The following NDUFB4 variants were observed in gnomAD, a reference collection of about 807,000 sequenced individuals.
NDUFB4 encodes NADH dehydrogenase [ubiquinone] 1 beta subcomplex subunit 4.
Under a neutral mutation model 14.5 loss-of-function variants are expected in NDUFB4, and 10 were observed. The ratio of observed to expected loss-of-function variants is 0.69; its 90% confidence interval spans 0.43 to 1.17. The LOEUF (loss-of-function observed/expected upper bound fraction) is 1.17. NDUFB4 is among the 50% of genes most tolerant of loss of function. The probability of loss-of-function intolerance (pLI) is 0.00; values close to 1 mark genes in which losing one functional copy is unlikely to be tolerated. For synonymous variants in NDUFB4, 65 were observed against 63.4 expected (o/e 1.03, Z -0.12); for missense variants, 165 against 161.1 (o/e 1.02, Z -0.13).
chr3:120,602,261 C>T lies in NDUFB4; in HGVS notation c.381C>T (p.Leu127=), dbSNP rs755359843. The T allele has an allele frequency of 1.3e-5, 21 of 1,609,662 alleles. No individual in the cohort carries two copies. The highest frequency in any genetic ancestry group is 2.2e-4 in the Middle Eastern group (1 of 4,456). ...QEGKLDRTFH[L]SY ...GAAAATTGGATCGAACATTTCACCT[C>T]TCATATTAAGTCTGGCAATGATGAC... is the stretch of plus-strand genomic sequence containing the variant. Residue 127 remains leucine (L), a synonymous_variant, in exon 3 of 3, where the codon CTC becomes CTT. Coordinates refer to ENST00000184266, the MANE Select transcript of NDUFB4 (RefSeq NM_004547.6).
Position 120,596,367 on chromosome 3 carries a change from T to A in NDUFB4, c.8T>A (p.Phe3Tyr), listed in dbSNP as rs1385125060. Residue 3 changes from phenylalanine (F) to tyrosine (Y), a missense_variant, in exon 1 of 3, where the codon TTC (phenylalanine) becomes TAC (tyrosine). Coordinates refer to ENST00000184266, the MANE Select transcript of NDUFB4 (RefSeq NM_004547.6). MS[F>Y]PKYKPSSLRT... ...GTGCCCTGGTTCGCCAAGATGTCGT[T>A]CCCAAAGTATAAGCCGTCGAGCCTG... is the stretch of plus-strand genomic sequence containing the variant. The A allele has an allele frequency of 6.2e-7, 1 of 1,614,024 alleles. No homozygotes were observed. The highest frequency in any genetic ancestry group is 8.5e-7 in the Non-Finnish European group (1 of 1,179,984).
rs1198763352 is a variant in NDUFB4, at chr3:120,596,455, G to T, written c.96G>T (p.Ala32=). Residue 32 remains alanine, a synonymous_variant, in exon 1 of 3, where the codon GCG becomes GCT. Coordinates refer to ENST00000184266, the MANE Select transcript of NDUFB4 (RefSeq NM_004547.6). ...ACATATCTCCGGAAACCCGGCGGGC[G>T]CAAGCCGAGCGGTTGGCCATAAGAG... is the stretch of plus-strand genomic sequence containing the variant. The part of the protein sequence containing the change: ...EYNISPETRR[A]QAERLAIRAQ... The T allele has an allele frequency of 1.2e-6, 2 of 1,613,738 alleles. No homozygotes were observed. The highest frequency in any genetic ancestry group is 1.3e-5 in the African/African-American group (1 of 74,918).
intron 2 of NDUFB4, chr3:120,601,986 C>G: frequency 7.8e-7 from 1 of 1,281,490 alleles, no homozygotes; most frequent in African/African-American, 1.5e-5. Context: ...CATTTTCTTA[C>G]TGTGTCTTTA....
At chr3:120,598,897 T>C (rs1559773292) in intron 1 of NDUFB4, among the ~76,000 whole-genome samples, 1 of 152,156 alleles carries the variant, frequency 6.6e-6, no homozygotes, top group Non-Finnish European at 1.5e-5. Flanking sequence ...AATTTCGTGA[T>C]CTGGACTTAA....
In NDUFB4 at chr3:120,602,406, G is replaced by T. The variant is rs1274838010; in HGVS notation, c.*136G>T. 2.6e-6 allele frequency: 2 copies of T among 768,184 alleles called. No homozygotes were observed. Among genetic ancestry groups the T allele is most frequent in the Admixed American group, 6.1e-5 (2 of 33,046 alleles). The allele number at this position is 768,184 out of a possible 1,614,324, so 47.6% of individuals were successfully genotyped here. ...ACACCCTAACAACACAGAAGCAGAC[G>T]CAGCCCGTGTTGGGAATCTGCTGTC... On this transcript the variant is annotated 3_prime_UTR_variant, in exon 3 of 3. Transcript: ENST00000184266.
intron 1 of NDUFB4, among the ~76,000 whole-genome samples, chr3:120,600,057 C>T (rs768952638): frequency 1.5e-4 from 22 of 149,158 alleles, no homozygotes; most frequent in Non-Finnish European, 2.7e-4. Flanking sequence ...GTGCTTACAC[C>T]GTTGAGGAAT....
chr3:120,599,430 T>C (rs982093057), intron 1 of NDUFB4, among the ~76,000 whole-genome samples: 1 of 151,892 alleles, frequency 6.6e-6, no homozygotes, highest in Non-Finnish European at 1.5e-5. Flanking sequence ...ACCAGCGAGG[T>C]CCAATATTAA....
rs2107473175 is a variant in NDUFB4 at position 120,602,210 on chromosome 3, T to C, written c.330T>C (p.Asp110=). ...FIYYIIKTER[D]RKEKLIQEGK... ...GTACTTTTTTTCTGTCTTTACAGGA[T>C]AGGAAAGAAAAACTTATCCAGGAAG... is the stretch of plus-strand genomic sequence containing the variant. Residue 110 remains aspartate (D), a splice_region_variant and synonymous_variant, in exon 3 of 3, where the codon GAT becomes GAC. Coordinates refer to ENST00000184266, the MANE Select transcript of NDUFB4 (RefSeq NM_004547.6). 1 of 1,611,132 alleles carries C rather than the reference T, an allele frequency of 6.2e-7. No homozygotes were observed. Among genetic ancestry groups the C allele is most frequent in the East Asian group, 2.2e-5 (1 of 44,828 alleles).
intron 1 of NDUFB4, among the ~76,000 whole-genome samples, chr3:120,597,848 T>G (rs1209390053): frequency 6.6e-6 from 1 of 152,094 alleles, no homozygotes; most frequent in East Asian, 1.9e-4. Context: ...TGTGTTAGTG[T>G]GATGCATTAA....
At chr3:120,600,618 G>A (rs912902558) in intron 1 of NDUFB4, among the ~76,000 whole-genome samples, 9 of 152,088 alleles carry the variant, frequency 5.9e-5, no homozygotes, top group Non-Finnish European at 1.0e-4. Flanking sequence ...CAGCTTATTT[G>A]TAGCCTGGAA....
intron 1 of NDUFB4, chr3:120,600,889 T>G (rs1576272738): frequency 2.0e-6 from 1 of 510,152 alleles, no homozygotes; most frequent in East Asian, 3.6e-5. Context: ...ATTAGTGATA[T>G]GAGCCTTCTA....
At chr3:120,602,128 T>A in intron 2 of NDUFB4, 80 bp from the exon 3 acceptor site, 2 of 1,551,258 alleles carry the variant, frequency 1.3e-6, no homozygotes, top group South Asian at 1.2e-5. Context: ...TTCTTACCTT[T>A]TTTATTTATT....
Position 120,602,364 on chromosome 3 carries a change from A to G in NDUFB4, c.*94A>G. On this transcript the variant is annotated 3_prime_UTR_variant, in exon 3 of 3. Transcript: ENST00000184266. ...CTCTTTCTTAGTATTACCTTGATTC[A>G]ATGTTAAAAACTATTAACACCCTAA... The G allele has an allele frequency of 8.0e-7, 1 of 1,245,112 alleles. No homozygotes were observed. The highest frequency in any genetic ancestry group is 1.4e-5 in the South Asian group (1 of 70,350). The allele number at this position is 1,245,112 out of a possible 1,614,324, so 77.1% of individuals were successfully genotyped here. A position where few individuals can be genotyped will look rare whatever the true frequency, so the allele number is the denominator to read the frequency against.
In NDUFB4 at chr3:120,601,275, A is replaced by C; in HGVS notation, c.327+18A>C. 6.2e-7 allele frequency: 1 copy of C among 1,612,576 alleles called. No homozygotes were observed. Among genetic ancestry groups the C allele is most frequent in the South Asian group, 1.1e-5 (1 of 90,602 alleles). ...CTGAGAGGGTAAGTATTCAGACCAG[A>C]TGTTTAGTATTTGAGTGATAGGTTC... On this transcript the variant is annotated intron_variant, in intron 2 of 2. Coordinates refer to ENST00000184266, the MANE Select transcript of NDUFB4 (RefSeq NM_004547.6).
chr3:120,597,052 A>C (rs1264029240), intron 1 of NDUFB4, among the ~76,000 whole-genome samples: 2 of 145,618 alleles, frequency 1.4e-5, no homozygotes, highest in East Asian at 2.0e-4. Context: ...ATTATATTCT[A>C]TATATATGCA....
intron 2 of NDUFB4, 57 bp from the exon 3 acceptor site, chr3:120,602,151 A>C: frequency 6.3e-7 from 1 of 1,583,526 alleles, no homozygotes; most frequent in Non-Finnish European, 8.5e-7. Context: ...TTTTTATCTA[A>C]TATAGCCAAC....
At chr3:120,596,784 A>T in intron 1 of NDUFB4, 1 of 526,244 alleles carries the variant, frequency 1.9e-6, no homozygotes, top group South Asian at 2.1e-5. Flanking sequence ...GACCTTAAGA[A>T]CGTTATTCAC....
At position 120,596,482 on chromosome 3, in the gene NDUFB4, C is replaced by T. The variant is rs1939957036; in HGVS notation, c.123C>T (p.Ala41=). The change falls in exon 1 of 3, where the codon GCC becomes GCT. Residue 41 remains alanine, a synonymous_variant. Transcript: ENST00000184266. ...AAGCCGAGCGGTTGGCCATAAGAGC[C>T]CAGCTGAAACGAGAGTACCTGCTTC... ...RAQAERLAIR[A]QLKREYLLQY... is the part of the protein sequence containing the mutation. The T allele has an allele frequency of 6.2e-7, 1 of 1,614,064 alleles. No individual in the cohort carries two copies. The highest frequency in any genetic ancestry group is 2.2e-5 in the East Asian group (1 of 44,876).
chr3:120,599,554 CAGG>C (rs1387635177), intron 1 of NDUFB4, among the ~76,000 whole-genome samples: 2 of 152,064 alleles, frequency 1.3e-5, no homozygotes, highest in Non-Finnish European at 2.9e-5. Context: ...ACATGATTTT[CAGG>C]AGTTTTCACC....
Sources: gnomAD v4.1 joint callset for allele counts (sites outside exome capture counted in the v4.1 genomes callset) on GRCh38, gnomAD v4.1.1 for gene constraint, MANE v1.5 for transcripts, NCBI Gene and HGNC (gene_info 2026-07-23, HGNC 2026-07-21) for gene names.